Variants in SORD observed in about 807,000 individuals in gnomAD.
The protein encoded by SORD is sorbitol dehydrogenase, also known as (R,R)-butanediol dehydrogenase.
SORD carries 18 observed loss-of-function variants against 35.6 expected under a neutral mutation model. The ratio of observed to expected loss-of-function variants is 0.51; its 90% CI spans 0.35 to 0.75. The LOEUF (loss-of-function observed/expected upper bound fraction) is 0.75. SORD is among the 30% of genes least tolerant of loss of function. The probability of loss-of-function intolerance (pLI) is 0.01; values close to 1 mark genes in which losing one functional copy is unlikely to be tolerated. For synonymous variants in SORD, 106 were observed against 152.9 expected, an observed-to-expected ratio of 0.69 and a Z score of 2.26; for missense variants, 250 against 390.2, an observed-to-expected ratio of 0.64 and a Z score of 3.03.
intron 3 of SORD, among the ~76,000 whole-genome samples, chr15:45,043,940 A>T (rs1228532912): frequency 6.6e-6 from 1 of 152,244 alleles, no homozygotes; most frequent in Non-Finnish European, 1.5e-5. Context: ...ATTAAATCCA[A>T]GTTGTCTTGG....
intron 3 of SORD, among the ~76,000 whole-genome samples, chr15:45,049,165 T>C (rs1893089918): frequency 6.6e-6 from 1 of 152,218 alleles, no homozygotes; most frequent in Non-Finnish European, 1.5e-5. Flanking sequence ...TTTTCCAGGC[T>C]GCTCTTTTGT....
At chr15:45,063,227 A>G (rs1000998073) in intron 4 of SORD, among the ~76,000 whole-genome samples, 3 of 151,346 alleles carry the variant, frequency 2.0e-5, no homozygotes, top group African/African-American at 7.3e-5. Flanking sequence ...TAGGATTCCC[A>G]TACTACCACA....
intron 4 of SORD, among the ~76,000 whole-genome samples, chr15:45,063,748 G>A (rs1362872786): frequency 1.3e-5 from 2 of 152,232 alleles, no homozygotes; most frequent in Non-Finnish European, 2.9e-5. Context: ...TGGAAGGGCA[G>A]GCGTGTCTAG....
At chr15:45,055,802 G>A (rs1338918888) in intron 3 of SORD, among the ~76,000 whole-genome samples, 1 of 152,082 alleles carries the variant, frequency 6.6e-6, no homozygotes, top group Non-Finnish European at 1.5e-5. Flanking sequence ...TGATCAAGTG[G>A]GCTTCATCCC....
chr15:45,048,592 A>T (rs888718563), intron 3 of SORD, among the ~76,000 whole-genome samples: 1 of 152,196 alleles, frequency 6.6e-6, no homozygotes, highest in Non-Finnish European at 1.5e-5. Context: ...TCACCCAGGC[A>T]TGGTGGCATG....
intron 1 of SORD, among the ~76,000 whole-genome samples, chr15:45,025,188 C>CCTT (rs1464590911): frequency 6.6e-6 from 1 of 152,114 alleles, no homozygotes; most frequent in Admixed American, 6.5e-5. Context: ...GAGAATTTCA[C>CCTT]CTTTGGTTGT....
intron 4 of SORD, among the ~76,000 whole-genome samples, chr15:45,063,997 G>GA (rs1893364883): frequency 6.7e-6 from 1 of 148,918 alleles, no homozygotes; most frequent in South Asian, 2.2e-4. Flanking sequence ...AAGGATCAGG[G>GA]ACAGTGACAG....
At chr15:45,061,284 T>C (rs1595506194) in intron 4 of SORD, 58 bp downstream of exon 4, 1 of 1,563,758 alleles carries the variant, frequency 6.4e-7, no homozygotes, top group East Asian at 2.2e-5. Context: ...ATTAGCTTGG[T>C]GCTGTTTCCT....
intron 1 of SORD, among the ~76,000 whole-genome samples, chr15:45,029,028 T>C (rs1238145656): frequency 6.6e-6 from 1 of 152,218 alleles, no homozygotes; most frequent in Non-Finnish European, 1.5e-5. Flanking sequence ...CAGATTACCC[T>C]GATAGTGATG....
At chr15:45,049,202 CCTAA>C (rs1217107605) in intron 3 of SORD, among the ~76,000 whole-genome samples, 1 of 152,140 alleles carries the variant, frequency 6.6e-6, no homozygotes, top group African/African-American at 2.4e-5. Flanking sequence ...AAGGACCTGC[CCTAA>C]CTGTGTGCCT....
intron 2 of SORD, among the ~76,000 whole-genome samples, chr15:45,041,025 T>G (rs1892957287): frequency 1.3e-5 from 2 of 152,286 alleles, no homozygotes; most frequent in Admixed American, 1.3e-4. Context: ...GTGAGCACAC[T>G]GGGGCAGGGT....
chr15:45,063,829 G>T (rs1028617116), intron 4 of SORD, among the ~76,000 whole-genome samples: 13 of 151,854 alleles, frequency 8.6e-5, no homozygotes, highest in African/African-American at 2.9e-4. Flanking sequence ...CTATTATATA[G>T]AAGGGATACT....
At chr15:45,072,838 C>A (rs1409476725) in intron 8 of SORD, among the ~76,000 whole-genome samples, 1 of 142,324 alleles carries the variant, frequency 7.0e-6, no homozygotes, top group Non-Finnish European at 1.5e-5. Flanking sequence ...CCCTAGGGCC[C>A]ACCCTGGGGA....
Position 45,023,302 on chromosome 15 carries a change from C to G in SORD, c.19C>G (p.Pro7Ala), listed in dbSNP as rs1324290148. The change falls in exon 1 of 9, where the codon CCC (proline) becomes GCC (alanine). Residue 7 changes from proline to alanine, a missense_variant. Transcript: ENST00000267814. MAAAAK[P>A]NNLSLVVHGP... ...GAGCTCCATGGCGGCGGCGGCCAAG[C>G]CCAACAACCTTTCCCTGGTGGTGCA... 1 of 1,589,172 alleles carries G rather than the reference C, an allele frequency of 6.3e-7. No homozygotes were observed. The highest frequency in any genetic ancestry group is 8.6e-7 in the Non-Finnish European group (1 of 1,169,360).
At chr15:45,049,074 C>T (rs1052631645) in intron 3 of SORD, among the ~76,000 whole-genome samples, 1 of 152,178 alleles carries the variant, frequency 6.6e-6, no homozygotes, top group African/African-American at 2.4e-5. Context: ...GAAACTTTTT[C>T]CTGGGAGCCC....
intron 3 of SORD, among the ~76,000 whole-genome samples, chr15:45,053,778 A>G (rs867468286): frequency 3.1e-4 from 46 of 146,644 alleles, no homozygotes; most frequent in African/African-American, 1.1e-3. Context: ...ATATCTCCTA[A>G]TGCTATCCCT....
At chr15:45,049,183 C>A (rs2467840) in intron 3 of SORD, among the ~76,000 whole-genome samples, 146,767 of 152,266 alleles carry the variant, frequency 0.96, 70,834 homozygotes, top group Non-Finnish European at 0.99. Context: ...TGTTGGAAAG[C>A]ATTTCACCAA....
chr15:45,025,602 C>T (rs1892655735), intron 1 of SORD, among the ~76,000 whole-genome samples: 1 of 145,792 alleles, frequency 6.9e-6, no homozygotes, highest in Non-Finnish European at 1.5e-5. Flanking sequence ...GCACTCCAGC[C>T]TGAATGACAG....
chr15:45,039,491 C>T (rs3874239), intron 1 of SORD, among the ~76,000 whole-genome samples: 1 of 152,052 alleles, frequency 6.6e-6, no homozygotes, highest in African/African-American at 2.4e-5. Flanking sequence ...CACTCAGTGG[C>T]CTTCCTTGTC....
Sources: allele counts gnomAD v4.1 joint callset (sites outside exome capture counted in the v4.1 genomes callset), GRCh38; gene constraint gnomAD v4.1.1; transcripts MANE v1.5; gene names NCBI Gene and HGNC (gene_info 2026-07-23, HGNC 2026-07-21).